Variants in WWOX observed in about 807,000 individuals in gnomAD.
WWOX encodes the protein WW domain-containing oxidoreductase.
In WWOX, 69 loss-of-function variants were observed where a neutral mutation model predicts 46.2. The ratio of observed to expected loss-of-function variants is 1.49; its 90% CI spans 1.23 to 1.82. The LOEUF (loss-of-function observed/expected upper bound fraction) is 1.82, where lower values mean the gene tolerates loss of function less well. Among genes scored for constraint, WWOX ranks in the 40% most tolerant of loss-of-function variants. The pLI is 0.00. For synonymous variants in WWOX, 359 were observed against 202.6 expected (o/e 1.77, Z -6.56); for missense variants, 919 against 542.6 (o/e 1.69, Z -6.89).
intron 8 of WWOX, among the ~76,000 whole-genome samples, chr16:78,672,178 C>G (rs1164039570): frequency 6.6e-6 from 1 of 152,116 alleles, no homozygotes; most frequent in Admixed American, 6.5e-5. Context: ...TTAATTAAAT[C>G]CATGACCAGA....
chr16:78,275,895 T>A (rs2079567516), intron 5 of WWOX, among the ~76,000 whole-genome samples: 1 of 152,140 alleles, frequency 6.6e-6, no homozygotes, highest in South Asian at 2.1e-4. Flanking sequence ...TGCAGCCTCT[T>A]GTCGAGGAGT....
At chr16:78,728,040 C>G (rs545979952) in intron 8 of WWOX, among the ~76,000 whole-genome samples, 22 of 108,402 alleles carry the variant, frequency 2.0e-4, no homozygotes, top group African/African-American at 8.1e-4. Flanking sequence ...TTCCTCTTTC[C>G]TCTCTCCCTC....
chr16:79,182,295 A>G (rs1023671370), intron 8 of WWOX, among the ~76,000 whole-genome samples: 1 of 151,846 alleles, frequency 6.6e-6, no homozygotes, highest in African/African-American at 2.4e-5. Context: ...CTGCCCCATG[A>G]TATACCAGCG....
chr16:78,625,001 C>T (rs771031264), intron 8 of WWOX, among the ~76,000 whole-genome samples: 2 of 152,178 alleles, frequency 1.3e-5, no homozygotes, highest in African/African-American at 4.8e-5. Context: ...ACCCTGAGTT[C>T]TGCCTCCATC....
At chr16:79,154,259 C>A (rs1039707608) in intron 8 of WWOX, among the ~76,000 whole-genome samples, 1 of 152,190 alleles carries the variant, frequency 6.6e-6, no homozygotes, top group Non-Finnish European at 1.5e-5. Flanking sequence ...GCCCTGGACA[C>A]CGGTGAGGTC....
At chr16:78,833,439 TC>T (rs2051888071) in intron 8 of WWOX, among the ~76,000 whole-genome samples, 1 of 151,924 alleles carries the variant, frequency 6.6e-6, no homozygotes, top group Non-Finnish European at 1.5e-5. Flanking sequence ...CTCCTCCTCC[TC>T]CTCCTCCTCC....
At chr16:78,115,175 T>A (rs773206496) in intron 4 of WWOX, 21 bp downstream of exon 4, 3 of 1,614,118 alleles carry the variant, frequency 1.9e-6, no homozygotes, top group Admixed American at 3.3e-5. Context: ...CACTTAGTTA[T>A]TTATCTTTGG....
In WWOX at chr16:78,372,946, C is replaced by A. The variant is rs75421266; in HGVS notation, c.517-13914C>A. 5.5e-3 allele frequency among the ~76,000 whole-genome samples: 833 copies of A among 152,250 alleles called. 6 individuals carry two copies. Among genetic ancestry groups the A allele is most frequent in the Middle Eastern group, 0.01 (3 of 294 alleles). Reference sequence around the variant, plus strand: ...AGCATCATTAATCTGATATATGCTACTGGGCTGAATTATTTGAATTCATAA... The same window carrying A: ...AGCATCATTAATCTGATATATGCTAATGGGCTGAATTATTTGAATTCATAA... On this transcript the variant is annotated intron_variant, in intron 5 of 8. Coordinates refer to ENST00000566780, the MANE Select transcript of WWOX (RefSeq NM_016373.4).
intron 8 of WWOX, among the ~76,000 whole-genome samples, chr16:78,967,717 A>G (rs369957549): frequency 9.9e-5 from 15 of 152,154 alleles, no homozygotes; most frequent in South Asian, 2.1e-4. Flanking sequence ...AAGGATCACC[A>G]TGAACGGTCA....
intron 8 of WWOX, among the ~76,000 whole-genome samples, chr16:78,619,148 T>A (rs375587058): frequency 0.59 from 1,588 of 2,700 alleles, 441 homozygotes; most frequent in Non-Finnish European, 0.64. Flanking sequence ...AAAAAATATA[T>A]ATATATATAT....
intron 8 of WWOX, among the ~76,000 whole-genome samples, chr16:78,807,379 T>C (rs572115053): frequency 1.3e-5 from 2 of 152,362 alleles, no homozygotes; most frequent in South Asian, 2.1e-4. Context: ...AGTAAAACTA[T>C]TCTTGTTCTT....
At chr16:78,359,835 G>C (rs72794071) in intron 5 of WWOX, among the ~76,000 whole-genome samples, 2 of 152,126 alleles carry the variant, frequency 1.3e-5, no homozygotes, top group African/African-American at 4.8e-5. Context: ...GACTTCCTGG[G>C]AGAGGTGACT....
chr16:78,414,324 C>G (rs139043874), intron 6 of WWOX, among the ~76,000 whole-genome samples: 310 of 152,288 alleles, frequency 2.0e-3, no homozygotes, highest in African/African-American at 7.0e-3. Flanking sequence ...TTCACATGGA[C>G]ACGTGTAACA....
chr16:78,191,651 C>G (rs1156803774), intron 5 of WWOX, among the ~76,000 whole-genome samples: 3 of 152,076 alleles, frequency 2.0e-5, no homozygotes, highest in African/African-American at 7.2e-5. Context: ...GTGGAATTAA[C>G]ATAGATTTCC....
intron 8 of WWOX, among the ~76,000 whole-genome samples, chr16:79,140,499 C>G (rs933365702): frequency 3.9e-5 from 6 of 152,206 alleles, no homozygotes; most frequent in Admixed American, 3.9e-4. Context: ...TCAGTAGATT[C>G]CTTGTCTCTG....
chr16:78,839,063 G>T (rs1033998497), intron 8 of WWOX, among the ~76,000 whole-genome samples: 2 of 152,136 alleles, frequency 1.3e-5, no homozygotes, highest in African/African-American at 4.8e-5. Flanking sequence ...GGGGAAACTG[G>T]ATCAAGGGTG....
intron 8 of WWOX, among the ~76,000 whole-genome samples, chr16:78,690,943 G>T (rs1278964231): frequency 6.6e-6 from 1 of 152,140 alleles, no homozygotes; most frequent in Non-Finnish European, 1.5e-5. Flanking sequence ...TTTCTGTAGT[G>T]TTTATCCATT....
At chr16:78,759,688 C>G (rs902284878) in intron 8 of WWOX, among the ~76,000 whole-genome samples, 1 of 152,192 alleles carries the variant, frequency 6.6e-6, no homozygotes, top group African/African-American at 2.4e-5. Flanking sequence ...GAACATGAGA[C>G]TGTATGCTCC....
intron 8 of WWOX, among the ~76,000 whole-genome samples, chr16:78,608,243 C>G (rs2045811451): frequency 6.6e-6 from 1 of 152,184 alleles, no homozygotes; most frequent in Non-Finnish European, 1.5e-5. Context: ...TGAAAATACA[C>G]TCAGGACCAG....
Sources: gnomAD v4.1 joint callset for allele counts (sites outside exome capture counted in the v4.1 genomes callset) on GRCh38, gnomAD v4.1.1 for gene constraint, MANE v1.5 for transcripts, NCBI Gene and HGNC (gene_info 2026-07-23, HGNC 2026-07-21) for gene names.